Variants in DGKB observed in about 807,000 individuals in gnomAD.
DGKB encodes 90 kDa diacylglycerol kinase.
DGKB carries 67 observed loss-of-function variants against 114.3 expected under a neutral mutation model. The observed-to-expected ratio is 0.59, with a 90% confidence interval of 0.48 to 0.72. The LOEUF (loss-of-function observed/expected upper bound fraction) is 0.72. Among genes scored for constraint, DGKB ranks in the 30% least tolerant of loss-of-function variants. DGKB has a pLI of 0.00. For missense variants in DGKB, 907 were observed against 975.2 expected (o/e 0.93, Z 0.93); for synonymous variants, 398 against 323.1 (o/e 1.23, Z -2.49).
At chr7:14,590,515 AC>A (rs1801528248) in intron 17 of DGKB, among the ~76,000 whole-genome samples, 1 of 151,940 alleles carries the variant, frequency 6.6e-6, no homozygotes, top group African/African-American at 2.4e-5. Context: ...GCAGCATCCT[AC>A]CCCCAAACAT....
intron 1 of DGKB, among the ~76,000 whole-genome samples, chr7:14,862,844 T>A (rs75396147): frequency 0.026 from 3,946 of 152,234 alleles, 167 homozygotes; most frequent in African/African-American, 0.09. Flanking sequence ...GATATTTGTG[T>A]TTTATTTCAG....
chr7:14,394,968 G>A (rs1821999100), intron 21 of DGKB, among the ~76,000 whole-genome samples: 1 of 152,086 alleles, frequency 6.6e-6, no homozygotes, highest in East Asian at 1.9e-4. Flanking sequence ...CCACTGCCAG[G>A]AGATAGTAAT....
At chr7:14,218,900 G>A (rs1301626931) in intron 23 of DGKB, among the ~76,000 whole-genome samples, 2 of 151,652 alleles carry the variant, frequency 1.3e-5, no homozygotes, top group African/African-American at 4.8e-5. Flanking sequence ...AGATATTGCT[G>A]CTGTATTCTC....
At chr7:14,775,399 A>G (rs565173490) in intron 2 of DGKB, among the ~76,000 whole-genome samples, 7 of 151,880 alleles carry the variant, frequency 4.6e-5, no homozygotes, top group African/African-American at 1.4e-4. Flanking sequence ...CTGTGTCCCC[A>G]CCGAAATCTC....
intron 13 of DGKB, among the ~76,000 whole-genome samples, chr7:14,640,072 G>A (rs533942817): frequency 2.4e-4 from 37 of 152,272 alleles, no homozygotes; most frequent in African/African-American, 8.7e-4. Context: ...AGGACAAACA[G>A]CCCTTTCACT....
chr7:14,225,020 C>T (rs531647263), intron 23 of DGKB, among the ~76,000 whole-genome samples: 4 of 152,120 alleles, frequency 2.6e-5, no homozygotes, highest in African/African-American at 7.2e-5. Flanking sequence ...TCGTGGTTCA[C>T]TCCAGCAAAG....
chr7:14,437,784 G>A (rs1829498989), intron 21 of DGKB, among the ~76,000 whole-genome samples: 1 of 149,932 alleles, frequency 6.7e-6, no homozygotes, highest in Admixed American at 6.7e-5. Flanking sequence ...TCTCCCTAGG[G>A]TTATCTCGTA....
intron 1 of DGKB, among the ~76,000 whole-genome samples, chr7:14,892,744 CCTAA>C (rs1221874058): frequency 3.3e-5 from 5 of 150,930 alleles, no homozygotes; most frequent in African/African-American, 9.7e-5. Context: ...CAGAAATATC[CCTAA>C]CTTATGACTA....
At chr7:14,580,774 C>A (rs552836107) in intron 19 of DGKB, 88 bp downstream of exon 19, 309 of 877,198 alleles carry the variant, frequency 3.5e-4, no homozygotes, top group Middle Eastern at 3.5e-3. Flanking sequence ...GAAATCATAT[C>A]GTTTTTGTTT....
chr7:14,941,940 T>A (rs923826654), intron 1 of DGKB, among the ~76,000 whole-genome samples: 1 of 152,170 alleles, frequency 6.6e-6, no homozygotes, highest in East Asian at 1.9e-4. Context: ...TAAGTAATCA[T>A]ATATTTGGAG....
intron 7 of DGKB, 56 bp downstream of exon 7, chr7:14,701,625 A>G: frequency 8.0e-7 from 1 of 1,253,470 alleles, no homozygotes; most frequent in Non-Finnish European, 1.2e-6. Context: ...TATTCATTGC[A>G]TTCTTCAGAA....
intron 15 of DGKB, among the ~76,000 whole-genome samples, chr7:14,617,717 C>T (rs2128807778): frequency 6.6e-6 from 1 of 151,760 alleles, no homozygotes; most frequent in South Asian, 2.1e-4. Flanking sequence ...TACCACTTTC[C>T]ATCTTGCCCA....
At chr7:14,805,485 G>A (rs1842681374) in intron 2 of DGKB, among the ~76,000 whole-genome samples, 1 of 152,030 alleles carries the variant, frequency 6.6e-6, no homozygotes, top group Non-Finnish European at 1.5e-5. Flanking sequence ...CTTTGAACCT[G>A]CTTCTGGTGT....
chr7:14,823,694 G>C (rs1207441301), intron 2 of DGKB, among the ~76,000 whole-genome samples: 1 of 152,124 alleles, frequency 6.6e-6, no homozygotes, highest in Non-Finnish European at 1.5e-5. Context: ...ATGAAACTGT[G>C]ATTGAAAACA....
At chr7:14,726,329 G>A (rs865898516) in intron 5 of DGKB, among the ~76,000 whole-genome samples, 1 of 151,970 alleles carries the variant, frequency 6.6e-6, no homozygotes, top group South Asian at 2.1e-4. Context: ...TAGTAGAGAC[G>A]GGGTTTTTTT....
At chr7:14,781,833 AT>A (rs958825828) in intron 2 of DGKB, among the ~76,000 whole-genome samples, 4 of 152,148 alleles carry the variant, frequency 2.6e-5, no homozygotes, top group Non-Finnish European at 5.9e-5. Flanking sequence ...ATCCTTTTGA[AT>A]AATGCAGTTT....
intron 17 of DGKB, among the ~76,000 whole-genome samples, chr7:14,596,241 C>A (rs1482485729): frequency 1.3e-5 from 2 of 152,102 alleles, no homozygotes; most frequent in African/African-American, 4.8e-5. Context: ...ATTGTTTATA[C>A]TGCATTGTTA....
rs75344706 is a variant in DGKB, at chr7:14,220,364, T to C, written c.2123-42213A>G. On this transcript the variant is annotated intron_variant, in intron 23 of 25. Coordinates refer to ENST00000402815, the MANE Select transcript of DGKB (RefSeq NM_001350709.2). ...ATGTAGATATCCAGTTGTCTCAGCA[T>C]TTTTTGTTGAAGACTATTGTCTCCA... 7.1e-3 allele frequency among the ~76,000 whole-genome samples: 1,080 copies of C among 151,638 alleles called. 14 individuals carry two copies. The highest frequency in any genetic ancestry group is 0.025 in the African/African-American group (1,028 of 41,502).
intron 1 of DGKB, among the ~76,000 whole-genome samples, chr7:14,893,012 A>G (rs1781527979): frequency 6.6e-6 from 1 of 151,196 alleles, no homozygotes; most frequent in African/African-American, 2.4e-5. Context: ...ATGTGTATAT[A>G]CACTTTTCGT....
Sources: allele counts gnomAD v4.1 joint callset (sites outside exome capture counted in the v4.1 genomes callset), GRCh38; gene constraint gnomAD v4.1.1; transcripts MANE v1.5; gene names NCBI Gene and HGNC (gene_info 2026-07-23, HGNC 2026-07-21).